Variants in GALNT13 observed in about 807,000 individuals in gnomAD.
GALNT13 encodes polypeptide N-acetylgalactosaminyltransferase 13, also known as UDP-GalNAc:polypeptide N-acetylgalactosaminyltransferase 13.
A neutral mutation model predicts 64.2 loss-of-function variants in GALNT13; 28 were observed. That is an observed-to-expected ratio of 0.44 (90% confidence interval 0.32 to 0.60). The LOEUF (loss-of-function observed/expected upper bound fraction) is 0.60, where lower values mean the gene tolerates loss of function less well. GALNT13 is among the 20% of genes least tolerant of loss of function. GALNT13 has a pLI of 0.05. For synonymous variants in GALNT13, 214 were observed against 224.6 expected (o/e 0.95, Z 0.42); for missense variants, 577 against 669.8 (o/e 0.86, Z 1.53).
the GALNT13 span, among the ~76,000 whole-genome samples, chr2:153,821,391 CT>C: frequency 6.6e-6 from 1 of 152,142 alleles, no homozygotes; most frequent in East Asian, 1.9e-4. Flanking sequence ...ACAAACTATA[CT>C]TTTAGATCGC....
intron 3 of GALNT13, among the ~76,000 whole-genome samples, chr2:153,994,853 T>A (rs901335427): frequency 2.0e-5 from 3 of 152,144 alleles, no homozygotes; most frequent in African/African-American, 7.2e-5. Context: ...AAAAATTTTC[T>A]CCCATTCTGT....
the GALNT13 span, among the ~76,000 whole-genome samples, chr2:153,763,737 T>C: frequency 6.6e-6 from 1 of 152,048 alleles, no homozygotes; most frequent in Admixed American, 6.6e-5. Flanking sequence ...TACCCAAAAA[T>C]GGGGAAGAGA....
At chr2:153,791,113 A>G in the GALNT13 span, among the ~76,000 whole-genome samples, 3 of 152,194 alleles carry the variant, frequency 2.0e-5, no homozygotes, top group South Asian at 6.2e-4. Flanking sequence ...ATATTTGCAA[A>G]CTATCCATCT....
chr2:154,190,846 C>A (rs192214901), intron 4 of GALNT13, among the ~76,000 whole-genome samples: 1 of 152,046 alleles, frequency 6.6e-6, no homozygotes, highest in South Asian at 2.1e-4. Flanking sequence ...TTAATTTATC[C>A]AATATATCAA....
intron 3 of GALNT13, among the ~76,000 whole-genome samples, chr2:154,075,059 G>T (rs1315094214): frequency 6.6e-6 from 1 of 151,754 alleles, no homozygotes; most frequent in African/African-American, 2.4e-5. Context: ...CAACAATCAG[G>T]CAAGAGAAAG....
At chr2:153,363,458 A>G in the GALNT13 span, among the ~76,000 whole-genome samples, 1 of 152,102 alleles carries the variant, frequency 6.6e-6, no homozygotes, top group Non-Finnish European at 1.5e-5. Flanking sequence ...TGGTTTTTTG[A>G]AAAAATTAAC....
At chr2:154,317,347 G>A (rs1278613531) in intron 9 of GALNT13, among the ~76,000 whole-genome samples, 1 of 152,098 alleles carries the variant, frequency 6.6e-6, no homozygotes, top group Non-Finnish European at 1.5e-5. Flanking sequence ...AAGCTTTCCA[G>A]AAAATGTTGT....
chr2:153,429,520 A>G, the GALNT13 span, among the ~76,000 whole-genome samples: 4 of 152,148 alleles, frequency 2.6e-5, no homozygotes, highest in East Asian at 3.9e-4. Flanking sequence ...GTAACTTTTC[A>G]TAGAGCATGG....
At chr2:153,968,594 G>A (rs1693536022) in intron 3 of GALNT13, among the ~76,000 whole-genome samples, 1 of 152,172 alleles carries the variant, frequency 6.6e-6, no homozygotes, top group African/African-American at 2.4e-5. Context: ...ATGGATAGTT[G>A]TTGAATTTGA....
chr2:153,876,202 TAC>T (rs56256669), intron 1 of GALNT13, among the ~76,000 whole-genome samples: 5,233 of 148,536 alleles, frequency 0.035, 116 homozygotes, highest in South Asian at 0.1. Context: ...CCCCCCACAC[TAC>T]ACACACACAC....
chr2:154,255,576 C>G (rs891924140), intron 7 of GALNT13, among the ~76,000 whole-genome samples: 2 of 151,968 alleles, frequency 1.3e-5, no homozygotes, highest in African/African-American at 4.8e-5. Flanking sequence ...AATGCTAGAC[C>G]ACAATGAGAG....
the GALNT13 span, among the ~76,000 whole-genome samples, chr2:153,332,536 T>G: frequency 4.7e-4 from 67 of 143,236 alleles, no homozygotes; most frequent in East Asian, 5.4e-3. Flanking sequence ...AGAGTATTGT[T>G]TTTTTTTTTT....
the GALNT13 span, among the ~76,000 whole-genome samples, chr2:153,105,990 G>T: frequency 1.3e-5 from 2 of 152,076 alleles, no homozygotes; most frequent in South Asian, 4.1e-4. Context: ...CATCCATAGA[G>T]CTGTCAAGTC....
chr2:153,271,360 T>C, the GALNT13 span, among the ~76,000 whole-genome samples: 2 of 152,134 alleles, frequency 1.3e-5, no homozygotes, highest in South Asian at 2.1e-4. Context: ...TGACTGTATA[T>C]TTAGAAAACC....
intron 9 of GALNT13, among the ~76,000 whole-genome samples, chr2:154,393,641 G>C (rs945902932): frequency 1.3e-5 from 2 of 152,222 alleles, no homozygotes; most frequent in African/African-American, 4.8e-5. Context: ...ACAAAAGCAA[G>C]TTGCAGTGGA....
the GALNT13 span, among the ~76,000 whole-genome samples, chr2:153,143,584 C>G: frequency 6.6e-6 from 1 of 152,046 alleles, no homozygotes; most frequent in East Asian, 1.9e-4. Context: ...ATAGTCCTTT[C>G]AGCTTCATTC....
the GALNT13 span, among the ~76,000 whole-genome samples, chr2:153,701,710 T>C: frequency 1.3e-5 from 2 of 151,876 alleles, no homozygotes; most frequent in Middle Eastern, 3.2e-3. Flanking sequence ...ACGTATATGG[T>C]CAATAGACAC....
chr2:153,519,183 T>C, the GALNT13 span, among the ~76,000 whole-genome samples: 116 of 152,312 alleles, frequency 7.6e-4, 1 homozygote, highest in East Asian at 0.02. Context: ...GTTGATAAAC[T>C]GTAAAATCGA....
the GALNT13 span, among the ~76,000 whole-genome samples, chr2:153,508,220 C>G: frequency 1.3e-5 from 2 of 152,156 alleles, no homozygotes; most frequent in Non-Finnish European, 2.9e-5. Context: ...GCCCTAGGGT[C>G]GCCTGGTTAT....
Sources: allele counts gnomAD v4.1 joint callset (sites outside exome capture counted in the v4.1 genomes callset), GRCh38; gene constraint gnomAD v4.1.1; transcripts MANE v1.5; gene names NCBI Gene and HGNC (gene_info 2026-07-23, HGNC 2026-07-21).